The following EGLN3 variants were observed in gnomAD, a reference collection of about 807,000 sequenced individuals.
EGLN3 encodes the protein prolyl hydroxylase EGLN3.
In EGLN3, 15 loss-of-function variants were observed where a neutral mutation model predicts 26.0. That is an observed-to-expected ratio of 0.58 (90% CI 0.39 to 0.89). The LOEUF is 0.89. Among genes scored for constraint, EGLN3 ranks in the 40% least tolerant of loss-of-function variants. The pLI, the probability that EGLN3 is intolerant of heterozygous loss-of-function variation, is 0.00. For synonymous variants in EGLN3, 147 were observed against 127.2 expected (o/e 1.16, Z -1.05); for missense variants, 238 against 311.6 (o/e 0.76, Z 1.78).
intron 1 of EGLN3, among the ~76,000 whole-genome samples, chr14:33,940,549 T>A (rs1156702619): frequency 6.6e-6 from 1 of 152,120 alleles, no homozygotes; most frequent in Non-Finnish European, 1.5e-5. Context: ...ATGTATGAGA[T>A]CACCTGGAGA....
rs1330985702 is a variant in EGLN3, at chr14:33,950,664, T to C, written c.89A>G (p.Tyr30Cys). The C allele has an allele frequency of 1.2e-6, 2 of 1,613,996 alleles. No individual in the cohort carries two copies. Among genetic ancestry groups the C allele is most frequent in the Non-Finnish European group, 8.5e-7 (1 of 1,179,962 alleles). ...CACCTCGCCCAGGAAGTTGTCCAGG[T>C]AGCAGAAGCCCACCTCGTGCAGACA... ...VPCLHEVGFC[Y>C]LDNFLGEVVG... is the part of the protein sequence containing the mutation. Residue 30 changes from tyrosine (Y) to cysteine (C), a missense_variant, in exon 1 of 5, where the codon TAC (tyrosine) becomes TGC (cysteine). Tyr to Cys is a radical substitution (Grantham distance 194). Coordinates refer to ENST00000250457, the MANE Select transcript of EGLN3 (RefSeq NM_022073.4).
At chr14:33,941,711 C>T (rs1206573901) in intron 1 of EGLN3, among the ~76,000 whole-genome samples, 10 of 152,126 alleles carry the variant, frequency 6.6e-5, no homozygotes, top group Admixed American at 6.5e-4. Flanking sequence ...TCTCTGCATT[C>T]AAGGAATTTC....
chr14:33,933,904 C>T (rs758633472), intron 1 of EGLN3, among the ~76,000 whole-genome samples: 1 of 152,092 alleles, frequency 6.6e-6, no homozygotes, highest in African/African-American at 2.4e-5. Context: ...GTTAAAAGAA[C>T]GGGCCAGAGT....
intron 1 of EGLN3, chr14:33,949,246 C>T (rs1443134048): frequency 1.3e-5 from 2 of 152,294 alleles, no homozygotes; most frequent in Non-Finnish European, 2.9e-5. Flanking sequence ...ATCCTCACCA[C>T]TTAGCCTTTA....
chr14:33,945,032 G>C lies in EGLN3; in HGVS notation c.357+5364C>G, dbSNP rs372735266. Among the ~76,000 whole-genome samples the C allele has an allele frequency of 2.0e-5, 3 of 152,266 alleles. No individual in the cohort carries two copies. The South Asian group carries it at 6.2e-4, about 32-fold the overall frequency. On this transcript the variant is annotated intron_variant, in intron 1 of 4. Transcript: ENST00000250457. ...GAAAACTTGCCCATTGGAGAGACTT[G>C]TTTCACTGTCACTGGGACTGTATTC...
At chr14:33,926,801 C>T in intron 4 of EGLN3, among the ~76,000 whole-genome samples, 159 bp downstream of exon 4, 1 of 152,118 alleles carries the variant, frequency 6.6e-6, no homozygotes, top group East Asian at 1.9e-4. Context: ...TTTCTAAGAG[C>T]CCTAAGGCCA....
At position 33,925,754 on chromosome 14, in the gene EGLN3, A is replaced by G. The variant is rs1174033677; in HGVS notation, c.*137T>C. 21 of 962,106 alleles carry G rather than the reference A, an allele frequency of 2.2e-5. No individual in the cohort carries two copies. The East Asian group carries it at 5.1e-4, about 23-fold the overall frequency. The allele number at this position is 962,106 out of a possible 1,614,324, so 59.6% of individuals were successfully genotyped here. A position where few individuals can be genotyped will look rare whatever the true frequency, so the allele number is the denominator to read the frequency against. On this transcript the variant is annotated 3_prime_UTR_variant, in exon 5 of 5. Coordinates refer to ENST00000250457, the MANE Select transcript of EGLN3 (RefSeq NM_022073.4). The stretch of plus-strand genomic sequence containing the variant: ...AAGAAAACATGAAGTACCACACACA[A>G]GACAGGGATGTGAAGGATGCAAGAA...
intron 1 of EGLN3, among the ~76,000 whole-genome samples, chr14:33,937,717 T>C (rs1268133104): frequency 6.6e-6 from 1 of 152,164 alleles, no homozygotes; most frequent in East Asian, 1.9e-4. Flanking sequence ...CTAAAAATAA[T>C]TCCTCTCGCA....
chr14:33,940,376 G>A (rs1213356260), intron 1 of EGLN3, among the ~76,000 whole-genome samples: 3 of 151,470 alleles, frequency 2.0e-5, no homozygotes, highest in Non-Finnish European at 4.4e-5. Flanking sequence ...ACTAAAAATC[G>A]TTTTTTGTTT....
chr14:33,934,197 T>C (rs1372672624), intron 1 of EGLN3, among the ~76,000 whole-genome samples: 1 of 152,058 alleles, frequency 6.6e-6, no homozygotes, highest in African/African-American at 2.4e-5. Context: ...ACCATCCCCA[T>C]TCCCAGAGGC....
At position 33,924,318 on chromosome 14, in the gene EGLN3, T is replaced by G. The variant is rs1199389512; in HGVS notation, c.*1573A>C. Reference sequence around the variant, plus strand: ...GGTGCTGAGAGTATGTTGCATTGGTTAAAAATATACAAAATTCCTGTCTTC... The same window carrying G: ...GGTGCTGAGAGTATGTTGCATTGGTGAAAAATATACAAAATTCCTGTCTTC... On this transcript the variant is annotated 3_prime_UTR_variant, in exon 5 of 5. Transcript: ENST00000250457. 6.6e-6 allele frequency: 1 copy of G among 152,178 alleles called. No individual in the cohort carries two copies. The highest frequency in any genetic ancestry group is 1.5e-5 in the Non-Finnish European group (1 of 68,034). The allele number at this position is 152,178 out of a possible 1,614,324, so 9.4% of individuals were successfully genotyped here.
At chr14:33,936,292 G>A (rs896805899) in intron 1 of EGLN3, among the ~76,000 whole-genome samples, 3 of 151,512 alleles carry the variant, frequency 2.0e-5, no homozygotes, top group Admixed American at 1.3e-4. Context: ...ACCTTCTTTT[G>A]CTTGGAAAAA....
At chr14:33,927,975 T>C (rs1315921451) in intron 3 of EGLN3, among the ~76,000 whole-genome samples, 2 of 152,166 alleles carry the variant, frequency 1.3e-5, no homozygotes, top group East Asian at 3.9e-4. Context: ...TTTCATTTTG[T>C]AATGATTGTT....
chr14:33,938,427 A>T (rs116214174), intron 1 of EGLN3, among the ~76,000 whole-genome samples: 337 of 152,314 alleles, frequency 2.2e-3, no homozygotes, highest in African/African-American at 7.9e-3. Flanking sequence ...GGGTTTGGGC[A>T]GGCCGCCCTT....
At chr14:33,942,374 T>A (rs1221992259) in intron 1 of EGLN3, among the ~76,000 whole-genome samples, 1 of 152,138 alleles carries the variant, frequency 6.6e-6, no homozygotes, top group Non-Finnish European at 1.5e-5. Flanking sequence ...CAATAGGCCC[T>A]TCTCTAGCAA....
intron 1 of EGLN3, 28 bp downstream of exon 1, chr14:33,950,368 C>T: frequency 6.2e-7 from 1 of 1,608,650 alleles, no homozygotes; most frequent in Non-Finnish European, 8.5e-7. Context: ...GCGGGAGCAG[C>T]TGCGGCAGGG....
chr14:33,944,517 G>A (rs1036595678), intron 1 of EGLN3, among the ~76,000 whole-genome samples: 1 of 152,174 alleles, frequency 6.6e-6, no homozygotes, highest in African/African-American at 2.4e-5. Context: ...GAATGACTGA[G>A]ACATTGGATA....
chr14:33,930,619 T>C (rs569447116), intron 2 of EGLN3, among the ~76,000 whole-genome samples: 1 of 152,264 alleles, frequency 6.6e-6, no homozygotes, highest in South Asian at 2.1e-4. Context: ...TAGTAAGCCA[T>C]GGCAAGCAGC....
intron 1 of EGLN3, among the ~76,000 whole-genome samples, chr14:33,947,022 C>G (rs1342640001): frequency 1.3e-5 from 2 of 152,180 alleles, no homozygotes; most frequent in African/African-American, 4.8e-5. Context: ...TAGCACAGTG[C>G]CAGACAATAC....
Sources: gnomAD v4.1 joint callset for allele counts (sites outside exome capture counted in the v4.1 genomes callset) on GRCh38, gnomAD v4.1.1 for gene constraint, MANE v1.5 for transcripts, NCBI Gene and HGNC (gene_info 2026-07-23, HGNC 2026-07-21) for gene names.